OSMR: variants seen among roughly 807,000 people sequenced by gnomAD.
OSMR encodes the protein oncostatin M receptor, also known as oncostatin-M-specific receptor subunit beta.
Under a neutral mutation model 99.9 loss-of-function variants are expected in OSMR, and 81 were observed. The observed-to-expected ratio is 0.81, with a 90% CI of 0.68 to 0.97. OSMR has a LOEUF of 0.97. OSMR is among the 50% of genes least tolerant of loss of function. The pLI, the probability that OSMR is intolerant of heterozygous loss-of-function variation, is 0.00. For synonymous variants in OSMR, 406 were observed against 410.4 expected, an observed-to-expected ratio of 0.99 and a Z score of 0.13; for missense variants, 1,099 against 1,153.4, an observed-to-expected ratio of 0.95 and a Z score of 0.68.
At chr5:38,883,180 T>C (rs911753010) in intron 4 of OSMR, among the ~76,000 whole-genome samples, 4 of 152,200 alleles carry the variant, frequency 2.6e-5, no homozygotes, top group Admixed American at 6.5e-5. Flanking sequence ...CTGGGTGTGG[T>C]GGCACATGCC....
At chr5:38,917,805 G>A (rs569473017) in intron 10 of OSMR, among the ~76,000 whole-genome samples, 183 bp downstream of exon 10, 5 of 152,280 alleles carry the variant, frequency 3.3e-5, no homozygotes, top group Non-Finnish European at 5.9e-5. Context: ...GATAGCTGAT[G>A]CAACTGACAG....
chr5:38,876,422 G>T (rs1295708849), intron 3 of OSMR, 49 bp downstream of exon 3: 1 of 1,486,586 alleles, frequency 6.7e-7, no homozygotes, highest in Admixed American at 1.7e-5. Flanking sequence ...TTTAAAAAAA[G>T]ACACCTTGGT....
downstream of OSMR, chr5:38,940,623 A>C: frequency 4.3e-6 from 1 of 232,934 alleles, no homozygotes; most frequent in Middle Eastern, 1.3e-3. Context: ...CATAAGCAGC[A>C]GCTTACAGCC....
chr5:38,942,816 G>A (rs2112784120), intron 1 of OSMR: 1 of 1,550,718 alleles, frequency 6.4e-7, no homozygotes, highest in Non-Finnish European at 8.9e-7. Context: ...AATTTGAGAA[G>A]TACTAATCAT....
intron 1 of OSMR, among the ~76,000 whole-genome samples, chr5:38,861,087 A>G (rs989437774): frequency 2.0e-5 from 3 of 152,048 alleles, no homozygotes; most frequent in African/African-American, 7.2e-5. Flanking sequence ...GTTTGAGGAA[A>G]CACTTGATAT....
At position 38,904,308 on chromosome 5, in the gene OSMR, T is replaced by C. The variant is rs767546306; in HGVS notation, c.1135-45T>C. On this transcript the variant is annotated intron_variant, in intron 8 of 17. Coordinates refer to ENST00000274276, the MANE Select transcript of OSMR (RefSeq NM_003999.3). ...GATGCACTCACCAATGTTTCTGTCT[T>C]GTTCTTTTCTCTTTTTTCTTTTCTT... 1.9e-6 allele frequency: 3 copies of C among 1,586,072 alleles called. No individual in the cohort carries two copies. The African/African-American group carries it at 4.0e-5, about 21-fold the overall frequency.
chr5:38,881,980 T>C (rs188254552), intron 4 of OSMR, among the ~76,000 whole-genome samples: 3 of 152,362 alleles, frequency 2.0e-5, no homozygotes, highest in Non-Finnish European at 4.4e-5. Flanking sequence ...TTGAGATAGT[T>C]GTGCAGATTC....
chr5:38,929,317 T>C (rs1677428796), intron 15 of OSMR, among the ~76,000 whole-genome samples: 1 of 152,186 alleles, frequency 6.6e-6, no homozygotes, highest in Non-Finnish European at 1.5e-5. Context: ...TGTAAATTGG[T>C]TTGTTAACTT....
Position 38,875,890 on chromosome 5 carries a change from CT to C in OSMR, c.74-309del, listed in dbSNP as rs1208252842. Among the ~76,000 whole-genome samples, 3 of 152,070 alleles carry C rather than the reference CT, an allele frequency of 2.0e-5. No individual in the cohort carries two copies. The East Asian group carries it at 5.8e-4, about 29-fold the overall frequency. On this transcript the variant is annotated intron_variant, in intron 2 of 17. Coordinates refer to ENST00000274276, the MANE Select transcript of OSMR (RefSeq NM_003999.3). ...AAAAGTCTTCTTTCTTTTTTTCAGCCTTGTTATAAATTTCCCAACCGGTTAG... is the reference window on the plus strand; with the variant it reads ...AAAAGTCTTCTTTCTTTTTTTCAGCCTGTTATAAATTTCCCAACCGGTTAG...
chr5:38,900,218 A>G (rs1175421942), intron 7 of OSMR, among the ~76,000 whole-genome samples: 1 of 152,124 alleles, frequency 6.6e-6, no homozygotes, highest in Non-Finnish European at 1.5e-5. Context: ...AATTCCATGC[A>G]GTCTCTCAAT....
At chr5:38,905,365 TG>T (rs1159170237) in intron 9 of OSMR, among the ~76,000 whole-genome samples, 1 of 152,048 alleles carries the variant, frequency 6.6e-6, no homozygotes, top group Non-Finnish European at 1.5e-5. Flanking sequence ...GGCACACGCC[TG>T]TAATCCCAGC....
At chr5:38,922,097 G>C (rs1334121172) in intron 12 of OSMR, among the ~76,000 whole-genome samples, 1 of 152,172 alleles carries the variant, frequency 6.6e-6, no homozygotes, top group Admixed American at 6.5e-5. Context: ...TGTCCAGAGA[G>C]CTTTTACAAA....
chr5:38,936,633 A>ATCT (rs945644160), downstream of OSMR, among the ~76,000 whole-genome samples: 1 of 152,236 alleles, frequency 6.6e-6, no homozygotes, highest in African/African-American at 2.4e-5. Context: ...ACTTAATAAT[A>ATCT]TCTTCTTATT....
chr5:38,849,645 TTTA>T (rs1740199543), intron 1 of OSMR, among the ~76,000 whole-genome samples: 1 of 152,184 alleles, frequency 6.6e-6, no homozygotes, highest in Non-Finnish European at 1.5e-5. Flanking sequence ...TAATTAAGAT[TTTA>T]TTGAGTTTAT....
At chr5:38,921,923 G>T (rs778637876) in intron 12 of OSMR, 129 bp downstream of exon 12, 29 of 766,146 alleles carry the variant, frequency 3.8e-5, no homozygotes, top group Non-Finnish European at 5.7e-5. Flanking sequence ...AATCCAGCAT[G>T]GGTGTTAGGA....
intron 1 of OSMR, among the ~76,000 whole-genome samples, chr5:38,859,674 T>G (rs901179190): frequency 6.6e-6 from 1 of 152,230 alleles, no homozygotes; most frequent in Non-Finnish European, 1.5e-5. Context: ...ATTGAATCTG[T>G]AGATTGCTTT....
At chr5:38,908,907 G>A (rs1186508673) in intron 9 of OSMR, among the ~76,000 whole-genome samples, 1 of 152,168 alleles carries the variant, frequency 6.6e-6, no homozygotes, top group Non-Finnish European at 1.5e-5. Flanking sequence ...TAGCATCCTA[G>A]CAATGGTTCT....
chr5:38,873,975 C>G (rs908704754), intron 2 of OSMR, among the ~76,000 whole-genome samples: 5 of 151,998 alleles, frequency 3.3e-5, no homozygotes, highest in African/African-American at 1.2e-4. Flanking sequence ...TGAGACTACA[C>G]GTGCCATGAC....
chr5:38,871,728 A>G (rs1350247734), intron 2 of OSMR, among the ~76,000 whole-genome samples: 1 of 152,246 alleles, frequency 6.6e-6, no homozygotes. Context: ...GTTTTTAAAT[A>G]AAAGTTAAAT....
Sources: allele counts gnomAD v4.1 joint callset (sites outside exome capture counted in the v4.1 genomes callset), GRCh38; gene constraint gnomAD v4.1.1; transcripts MANE v1.5; gene names NCBI Gene and HGNC (gene_info 2026-07-23, HGNC 2026-07-21).